The following PTPRD variants were observed in gnomAD, a reference collection of about 807,000 sequenced individuals.
PTPRD encodes the protein protein tyrosine phosphatase receptor type D, also known as receptor-type tyrosine-protein phosphatase delta.
PTPRD carries 34 observed loss-of-function variants against 214.5 expected under a neutral mutation model. That is an observed-to-expected ratio of 0.16 (90% CI 0.12 to 0.21). The LOEUF (loss-of-function observed/expected upper bound fraction) is 0.21, where lower values mean the gene tolerates loss of function less well. PTPRD is among the 10% of genes least tolerant of loss of function. The probability of loss-of-function intolerance (pLI) is 1.00; values close to 1 mark genes in which losing one functional copy is unlikely to be tolerated. For missense variants in PTPRD, 2,545 were observed against 2,398.7 expected (o/e 1.06, Z -1.27); for synonymous variants, 1,128 against 845.7 (o/e 1.33, Z -5.79).
At chr9:9,696,192 A>C (rs1401028969) in intron 7 of PTPRD, among the ~76,000 whole-genome samples, 1 of 152,116 alleles carries the variant, frequency 6.6e-6, no homozygotes, top group Non-Finnish European at 1.5e-5. Context: ...TGACTTTTTG[A>C]ATTTGTTAAG....
intron 11 of PTPRD, among the ~76,000 whole-genome samples, chr9:8,754,693 G>A (rs1437968208): frequency 2.0e-5 from 3 of 151,326 alleles, no homozygotes; most frequent in Non-Finnish European, 4.4e-5. Flanking sequence ...AGCATGTTTT[G>A]AAAATAAGGT....
intron 8 of PTPRD, among the ~76,000 whole-genome samples, chr9:9,524,800 A>C (rs977931433): frequency 6.6e-6 from 1 of 152,136 alleles, no homozygotes; most frequent in Non-Finnish European, 1.5e-5. Flanking sequence ...ATCTCCGAAT[A>C]ATTTACTAAT....
intron 4 of PTPRD, among the ~76,000 whole-genome samples, chr9:9,951,464 T>C (rs1464784543): frequency 6.6e-6 from 1 of 152,190 alleles, no homozygotes; most frequent in Non-Finnish European, 1.5e-5. Context: ...TGAGAAACTA[T>C]GTCCTAGGGA....
intron 11 of PTPRD, among the ~76,000 whole-genome samples, chr9:8,769,121 A>C (rs533035899): frequency 3.3e-5 from 5 of 152,328 alleles, no homozygotes; most frequent in Non-Finnish European, 4.4e-5. Flanking sequence ...AACAGTGGAA[A>C]TATTTTTATA....
intron 2 of PTPRD, among the ~76,000 whole-genome samples, chr9:10,552,515 T>A (rs2061563107): frequency 6.6e-6 from 1 of 152,172 alleles, no homozygotes; most frequent in Non-Finnish European, 1.5e-5. Flanking sequence ...TTGACCCTTT[T>A]GTTAAGTTTT....
chr9:10,241,228 G>C (rs1452030608), intron 3 of PTPRD, among the ~76,000 whole-genome samples: 1 of 151,888 alleles, frequency 6.6e-6, no homozygotes. Context: ...AGAGGAACTG[G>C]AACTGTCATA....
At chr9:9,698,438 C>G (rs1263924006) in intron 7 of PTPRD, among the ~76,000 whole-genome samples, 1 of 152,080 alleles carries the variant, frequency 6.6e-6, no homozygotes, top group African/African-American at 2.4e-5. Flanking sequence ...AGGGGAGATC[C>G]CAAAGGGCAA....
At chr9:9,736,042 A>G (rs1280883128) in intron 6 of PTPRD, among the ~76,000 whole-genome samples, 1 of 152,128 alleles carries the variant, frequency 6.6e-6, no homozygotes, top group Non-Finnish European at 1.5e-5. Flanking sequence ...ACAAAGATAC[A>G]TGTGCAGAGA....
At chr9:8,382,239 G>C (rs912841604) in intron 37 of PTPRD, among the ~76,000 whole-genome samples, 2 of 152,186 alleles carry the variant, frequency 1.3e-5, no homozygotes, top group African/African-American at 4.8e-5. Context: ...AGCCTTTCCA[G>C]ACATTCTGCT....
At chr9:8,943,500 C>T (rs991357027) in intron 11 of PTPRD, among the ~76,000 whole-genome samples, 20 of 151,474 alleles carry the variant, frequency 1.3e-4, no homozygotes, top group African/African-American at 1.9e-4. Context: ...TTTTTGACAA[C>T]GGTGCCAAGA....
intron 2 of PTPRD, among the ~76,000 whole-genome samples, chr9:10,469,388 C>T (rs1331741261): frequency 6.6e-6 from 1 of 151,810 alleles, no homozygotes; most frequent in African/African-American, 2.4e-5. Context: ...AGGACATAAG[C>T]GTGAAAGATG....
At chr9:8,750,868 A>G (rs936858390) in intron 11 of PTPRD, among the ~76,000 whole-genome samples, 1 of 152,168 alleles carries the variant, frequency 6.6e-6, no homozygotes, top group African/African-American at 2.4e-5. Context: ...ATGGAGTGAC[A>G]CGGTCTGATT....
At chr9:10,275,055 G>C (rs757026597) in intron 3 of PTPRD, among the ~76,000 whole-genome samples, 1 of 152,142 alleles carries the variant, frequency 6.6e-6, no homozygotes, top group East Asian at 1.9e-4. Context: ...CAGGGCACTA[G>C]TTTTCACATT....
At chr9:10,350,820 A>T (rs1227649260) in intron 2 of PTPRD, among the ~76,000 whole-genome samples, 12 of 152,192 alleles carry the variant, frequency 7.9e-5, no homozygotes, top group Non-Finnish European at 1.3e-4. Context: ...TGCTCACCAA[A>T]TATTGAGCGT....
intron 10 of PTPRD, among the ~76,000 whole-genome samples, chr9:9,080,755 T>C (rs1311475972): frequency 6.6e-6 from 1 of 152,086 alleles, no homozygotes; most frequent in African/African-American, 2.4e-5. Context: ...AATTTATCCA[T>C]TTTTTCTAGA....
At chr9:8,526,734 T>C in intron 16 of PTPRD, 90 bp from the exon 17 acceptor site, 2 of 1,064,996 alleles carry the variant, frequency 1.9e-6, no homozygotes, top group South Asian at 1.8e-5. Context: ...AAGAATTAAA[T>C]TAGATTTACA....
intron 11 of PTPRD, among the ~76,000 whole-genome samples, chr9:8,758,959 G>A (rs886256522): frequency 6.6e-6 from 1 of 151,460 alleles, no homozygotes; most frequent in African/African-American, 2.4e-5. Flanking sequence ...TGCTGGGATT[G>A]CAGGCGTGAG....
At chr9:10,126,426 TACACACACAC>T (rs57563877) in intron 3 of PTPRD, among the ~76,000 whole-genome samples, 7,759 of 96,218 alleles carry the variant, frequency 0.081, 285 homozygotes, top group Admixed American at 0.15. Flanking sequence ...GTTTTATATA[TACACACACAC>T]ACACACACAC....
intron 10 of PTPRD, chr9:9,091,219 C>T: frequency 7.3e-7 from 1 of 1,368,696 alleles, no homozygotes; most frequent in Non-Finnish European, 1.0e-6. Flanking sequence ...GGGTGCTGCC[C>T]CACGTCCCCC....
Sources: allele counts gnomAD v4.1 joint callset (sites outside exome capture counted in the v4.1 genomes callset), GRCh38; gene constraint gnomAD v4.1.1; transcripts MANE v1.5; gene names NCBI Gene and HGNC (gene_info 2026-07-23, HGNC 2026-07-21).